The following MS4A4E variants were observed in gnomAD, a reference collection of about 807,000 sequenced individuals.
MS4A4E encodes the protein membrane spanning 4-domains A4E.
Under a neutral mutation model 13.3 loss-of-function variants are expected in MS4A4E, and 23 were observed. The ratio of observed to expected loss-of-function variants is 1.73; its 90% CI spans 1.25 to 2.45. The LOEUF (loss-of-function observed/expected upper bound fraction) is 2.45, where lower values mean the gene tolerates loss of function less well. MS4A4E is among the 30% of genes most tolerant of loss of function. MS4A4E has a pLI of 0.00. For synonymous variants in MS4A4E, 36 were observed against 45.6 expected (o/e 0.79, Z 0.85); for missense variants, 144 against 131.2 (o/e 1.10, Z -0.48).
At chr11:60,216,400 C>G (rs1293376494) in intron 3 of MS4A4E, among the ~76,000 whole-genome samples, 2 of 152,024 alleles carry the variant, frequency 1.3e-5, no homozygotes, top group East Asian at 1.9e-4. Flanking sequence ...CTATTTGAAC[C>G]CTGATCCTGT....
chr11:60,215,706 C>G (rs953336420), intron 3 of MS4A4E, among the ~76,000 whole-genome samples: 3 of 150,698 alleles, frequency 2.0e-5, no homozygotes, highest in Admixed American at 6.6e-5. Flanking sequence ...GTATATTAAC[C>G]AAAATAATTA....
chr11:60,228,154 A>G (rs2084366579), intron 3 of MS4A4E, among the ~76,000 whole-genome samples: 1 of 152,224 alleles, frequency 6.6e-6, no homozygotes, highest in African/African-American at 2.4e-5. Flanking sequence ...AGAAGAAAAG[A>G]TAAACCACAG....
intron 8 of MS4A4E, among the ~76,000 whole-genome samples, chr11:60,202,187 T>C (rs549574678): frequency 1.3e-5 from 2 of 152,326 alleles, no homozygotes; most frequent in East Asian, 3.9e-4. Flanking sequence ...CTACGTCTTA[T>C]TAATACAAGT....
At chr11:60,210,912 AG>A (rs2084112445) in intron 5 of MS4A4E, among the ~76,000 whole-genome samples, 1 of 152,262 alleles carries the variant, frequency 6.6e-6, no homozygotes, top group Non-Finnish European at 1.5e-5. Flanking sequence ...ATGCAGAACC[AG>A]CTACGTAATT....
At chr11:60,236,210 G>A (rs76413794) in intron 1 of MS4A4E, among the ~76,000 whole-genome samples, 2,913 of 151,992 alleles carry the variant, frequency 0.019, 100 homozygotes, top group African/African-American at 0.066. Flanking sequence ...TTATAGCTTC[G>A]TAGTAAGTTT....
intron 3 of MS4A4E, among the ~76,000 whole-genome samples, chr11:60,216,236 A>C (rs1456168955): frequency 1.3e-5 from 2 of 152,226 alleles, no homozygotes; most frequent in Non-Finnish European, 2.9e-5. Context: ...CTCAGTGGAC[A>C]AACACAGCTC....
intron 3 of MS4A4E, chr11:60,224,928 T>C: frequency 2.1e-6 from 3 of 1,454,636 alleles, no homozygotes; most frequent in Non-Finnish European, 2.7e-6. Context: ...ACCTCTATTA[T>C]GTTATATCCA....
intron 6 of MS4A4E, among the ~76,000 whole-genome samples, chr11:60,207,918 A>C (rs1288257642): frequency 6.6e-6 from 1 of 152,200 alleles, no homozygotes; most frequent in Non-Finnish European, 1.5e-5. Flanking sequence ...AGATCATGAC[A>C]TTCCTTCCGT....
chr11:60,200,763 A>G lies in MS4A4E; in HGVS notation c.*780T>C, dbSNP rs920280001. 6.6e-6 allele frequency among the ~76,000 whole-genome samples: 1 copy of G among 152,194 alleles called. No homozygotes were observed. The highest frequency in any genetic ancestry group is 1.5e-5 in the Non-Finnish European group (1 of 68,030). On this transcript the variant is annotated 3_prime_UTR_variant, in exon 9 of 9. Transcript: ENST00000651255. ...CCTTTCCCCCCTTTCTATTCCACAA[A>G]ACCGCCATTGTCCTCATGGCCCGTT...
chr11:60,209,938 C>G lies in MS4A4E; in HGVS notation c.382-1244G>C, dbSNP rs188251655. On this transcript the variant is annotated intron_variant, in intron 5 of 8. Transcript: ENST00000651255. The stretch of plus-strand genomic sequence containing the variant: ...GTGCCTTCAACAGCTGTAGCGGCCT[C>G]TGTGTTTCAAACATTGTTGTAGGCA... Among the ~76,000 whole-genome samples, 526 of 152,322 alleles carry G rather than the reference C, an allele frequency of 3.5e-3. 1 individual carries two copies. Among genetic ancestry groups the G allele is most frequent in the African/African-American group, 0.012 (512 of 41,554 alleles).
rs191734394 is a variant in MS4A4E at position 60,227,638 on chromosome 11, T to G, written c.178+956A>C. Among the ~76,000 whole-genome samples the G allele has an allele frequency of 2.6e-5, 4 of 152,026 alleles. No homozygotes were observed. The East Asian group carries it at 7.7e-4, about 29-fold the overall frequency. ...ATAGGGAAAGGCAAAAGACTTAGAATAACAAAAACAATCTTGAAGAAGAAG... is the reference window on the plus strand; with the variant it reads ...ATAGGGAAAGGCAAAAGACTTAGAAGAACAAAAACAATCTTGAAGAAGAAG... On this transcript the variant is annotated intron_variant, in intron 3 of 8. Coordinates refer to ENST00000651255, the MANE Select transcript of MS4A4E (RefSeq NM_001393391.1).
chr11:60,202,573 C>T (rs2084000893), intron 8 of MS4A4E, among the ~76,000 whole-genome samples: 2 of 152,136 alleles, frequency 1.3e-5, no homozygotes, highest in Admixed American at 6.5e-5. Context: ...ATTACCCAAA[C>T]CGAAAACAGT....
At chr11:60,213,509 T>C (rs2084151527) in intron 4 of MS4A4E, among the ~76,000 whole-genome samples, 1 of 152,198 alleles carries the variant, frequency 6.6e-6, no homozygotes, top group South Asian at 2.1e-4. Flanking sequence ...TTTTAAATTA[T>C]TTTTCTCGGT....
chr11:60,212,119 G>A (rs1452327990), intron 5 of MS4A4E, among the ~76,000 whole-genome samples: 1 of 152,010 alleles, frequency 6.6e-6, no homozygotes, highest in African/African-American at 2.4e-5. Context: ...ATTGAAATAA[G>A]GACAACTGGT....
At position 60,213,388 on chromosome 11, in the gene MS4A4E, T is replaced by C. The variant is rs186354875; in HGVS notation, c.223-256A>G. On this transcript the variant is annotated intron_variant, in intron 4 of 8. Transcript: ENST00000651255. Reference sequence around the variant, plus strand: ...TTTATCAGGGTTTTCAATGATTTTTTACACATTAGCTGGACAGTCATGTCT... The same window carrying C: ...TTTATCAGGGTTTTCAATGATTTTTCACACATTAGCTGGACAGTCATGTCT... The C allele has an allele frequency of 5.1e-4, 651 of 1,283,074 alleles. 5 individuals are homozygous for C. The African/African-American group carries it at 7.5e-3, about 15-fold the overall frequency. 79.5% of individuals were successfully genotyped at this position (1,283,074 alleles called of 1,614,324 possible). A position where few individuals can be genotyped will look rare whatever the true frequency, so the allele number is the denominator to read the frequency against.
At chr11:60,240,910 A>G (rs1361586422) in intron 1 of MS4A4E, among the ~76,000 whole-genome samples, 2 of 152,220 alleles carry the variant, frequency 1.3e-5, no homozygotes, top group African/African-American at 2.4e-5. Context: ...TAAGAAATCT[A>G]TGTTATTTTC....
chr11:60,228,723 G>A, intron 2 of MS4A4E, 96 bp from the exon 3 acceptor site: 4 of 623,404 alleles, frequency 6.4e-6, no homozygotes, highest in South Asian at 2.1e-5. Flanking sequence ...AATAAACTGT[G>A]GTACCTCTAG....
At chr11:60,206,512 T>TATATATATATGTATATATATATATAC (rs141037502) in intron 6 of MS4A4E, among the ~76,000 whole-genome samples, 1 of 98,346 alleles carries the variant, frequency 1.0e-5, no homozygotes, top group African/African-American at 4.8e-5. Context: ...TATATATATA[T>TATATATATATGTATATATATATATAC]ACACACACAC....
intron 6 of MS4A4E, among the ~76,000 whole-genome samples, chr11:60,206,500 C>T (rs7102445): frequency 0.55 from 56,868 of 102,538 alleles, 16,587 homozygotes; most frequent in African/African-American, 0.66. Context: ...TATATATATA[C>T]GTATATATAT....
Sources: gnomAD v4.1 joint callset for allele counts (sites outside exome capture counted in the v4.1 genomes callset) on GRCh38, gnomAD v4.1.1 for gene constraint, MANE v1.5 for transcripts, NCBI Gene and HGNC (gene_info 2026-07-23, HGNC 2026-07-21) for gene names.